ATRN: variants seen among roughly 807,000 people sequenced by gnomAD.
ATRN encodes the protein attractin.
In ATRN, 54 loss-of-function variants were observed where a neutral mutation model predicts 178.7. The observed-to-expected ratio is 0.30, with a 90% CI of 0.24 to 0.38. The LOEUF is 0.38. ATRN is among the 10% of genes least tolerant of loss of function. The probability of loss-of-function intolerance (pLI) is 1.00; values close to 1 mark genes in which losing one functional copy is unlikely to be tolerated. For missense variants in ATRN, 1,443 were observed against 1,815.1 expected (o/e 0.79, Z 3.73); for synonymous variants, 636 against 663.0 (o/e 0.96, Z 0.63).
chr20:3,621,206 C>T (rs746573067), intron 24 of ATRN, among the ~76,000 whole-genome samples: 11 of 152,096 alleles, frequency 7.2e-5, no homozygotes, highest in Non-Finnish European at 5.9e-5. Context: ...TGCTTAAAAA[C>T]GGAGGCAGTG....
intron 22 of ATRN, among the ~76,000 whole-genome samples, chr20:3,600,193 C>T (rs2086589772): frequency 6.6e-6 from 1 of 152,162 alleles, no homozygotes; most frequent in Non-Finnish European, 1.5e-5. Context: ...AGTACACTTC[C>T]TCCACTGGCT....
At chr20:3,545,282 C>T (rs1246293355) in intron 3 of ATRN, among the ~76,000 whole-genome samples, 1 of 150,766 alleles carries the variant, frequency 6.6e-6, no homozygotes, top group Non-Finnish European at 1.5e-5. Context: ...GCAGGAGAAT[C>T]GCTTGAACCC....
intron 18 of ATRN, among the ~76,000 whole-genome samples, chr20:3,588,622 G>T (rs1223893474): frequency 6.6e-6 from 1 of 152,138 alleles, no homozygotes; most frequent in Non-Finnish European, 1.5e-5. Context: ...ACATTCATGA[G>T]GGGGATATAA....
At chr20:3,472,705 C>T (rs796901572) in intron 1 of ATRN, among the ~76,000 whole-genome samples, 1 of 152,102 alleles carries the variant, frequency 6.6e-6, no homozygotes, top group South Asian at 2.1e-4. Context: ...TGTGGGAATT[C>T]AGGGATGGAG....
chr20:3,527,524 G>C (rs970188493), intron 1 of ATRN, among the ~76,000 whole-genome samples: 5 of 151,874 alleles, frequency 3.3e-5, no homozygotes, highest in Non-Finnish European at 5.9e-5. Flanking sequence ...GGTGACTCAA[G>C]GTTCTAGAAC....
chr20:3,626,946 A>G (rs2086946295), intron 25 of ATRN, among the ~76,000 whole-genome samples: 1 of 151,666 alleles, frequency 6.6e-6, no homozygotes. Context: ...GCCACCACGC[A>G]TGGCTAATTT....
intron 19 of ATRN, chr20:3,592,458 A>C (rs998177403): frequency 1.0e-6 from 1 of 984,718 alleles, no homozygotes; most frequent in African/African-American, 1.7e-5. Context: ...TGTCAAATAG[A>C]AGCCTGCAAG....
intron 2 of ATRN, 105 bp from the exon 3 acceptor site, chr20:3,540,117 A>G (rs1024350829): frequency 9.1e-5 from 54 of 596,350 alleles, no homozygotes; most frequent in Non-Finnish European, 1.3e-4. Context: ...GGCAGTTGTT[A>G]GACTGTGTTA....
Position 3,562,247 on chromosome 20 carries a change from GCTTGCC to G in ATRN, c.1448-28_1448-23del, listed in dbSNP as rs755991653. Reference sequence around the variant, plus strand: ...GTAGTAGAGAGGAGGAGCCTGCCATGCTTGCCTTTAACTGTCTTTCCTTTCCAGATA... The same window carrying G: ...GTAGTAGAGAGGAGGAGCCTGCCATGTTTAACTGTCTTTCCTTTCCAGATA... On this transcript the variant is annotated intron_variant, in intron 8 of 28. Coordinates refer to ENST00000262919, the MANE Select transcript of ATRN (RefSeq NM_139321.3). 8.2e-6 allele frequency: 13 copies of G among 1,584,460 alleles called. No homozygotes were observed. In the African/African-American group the frequency reaches 1.6e-4, roughly 20 times the overall value.
chr20:3,547,212 TG>T, intron 4 of ATRN, 71 bp from the exon 5 acceptor site: 1 of 1,181,052 alleles, frequency 8.5e-7, no homozygotes, highest in Non-Finnish European at 1.3e-6. Context: ...TAAACTTGTG[TG>T]GGAGGAAGTT....
At chr20:3,481,450 A>G (rs2084619545) in intron 1 of ATRN, among the ~76,000 whole-genome samples, 1 of 152,102 alleles carries the variant, frequency 6.6e-6, no homozygotes, top group Non-Finnish European at 1.5e-5. Context: ...TCTGGGCTCA[A>G]GTGCCTCCCA....
chr20:3,634,253 A>G (rs8125775), intron 25 of ATRN, 58 bp from the exon 26 acceptor site: 63,335 of 1,545,974 alleles, frequency 0.041, 1,586 homozygotes, highest in Non-Finnish European at 0.048. Flanking sequence ...GGTGTGGGCA[A>G]CGGTGGGAGC....
intron 24 of ATRN, among the ~76,000 whole-genome samples, chr20:3,609,214 T>C (rs2086725113): frequency 2.0e-5 from 3 of 152,310 alleles, no homozygotes; most frequent in South Asian, 2.1e-4. Context: ...CAGTGTTTTA[T>C]AGTTTTCCTT....
At chr20:3,609,762 A>AGTG (rs2086737128) in intron 24 of ATRN, among the ~76,000 whole-genome samples, 1 of 150,894 alleles carries the variant, frequency 6.6e-6, no homozygotes, top group African/African-American at 2.4e-5. Context: ...ATAAAATAAA[A>AGTG]TGTTATTCAG....
In ATRN at chr20:3,638,796, T is replaced by A; in HGVS notation, c.3943-32T>A. The stretch of plus-strand genomic sequence containing the variant: ...CTAATAAAACCCCTTCAGTACTCAT[T>A]CCATTAATGGCTTTGCCATATTATT... On this transcript the variant is annotated intron_variant, in intron 26 of 28. Coordinates refer to ENST00000262919, the MANE Select transcript of ATRN (RefSeq NM_139321.3). This position sits in a 1 kb window ranked among gnomAD's most constrained non-coding sequence, Gnocchi z 4.5. 6.3e-7 allele frequency: 1 copy of A among 1,591,050 alleles called. No individual in the cohort carries two copies. Among genetic ancestry groups the A allele is most frequent in the Non-Finnish European group, 8.6e-7 (1 of 1,159,422 alleles).
rs386393128 is a variant in ATRN, at chr20:3,588,981, G to GTTTTTTTTTTTTTTTTT, written c.3185-2185_3185-2169dup. On this transcript the variant is annotated intron_variant, in intron 18 of 28. Transcript: ENST00000262919. ...CATACAGTTCGTAGTATTTTCTTTT[G>GTTTTTTTTTTTTTTTTT]TTTTTTTTTTTTTTTTTTTGAGACA... is the stretch of plus-strand genomic sequence containing the variant. Among the ~76,000 whole-genome samples, 155 of 99,778 alleles carry GTTTTTTTTTTTTTTTTT rather than the reference G, an allele frequency of 1.6e-3. 8 individuals are homozygous for GTTTTTTTTTTTTTTTTT. The highest frequency in any genetic ancestry group is 2.0e-3 in the Non-Finnish European group (109 of 54,294). The allele number at this position is 99,778 out of a possible 152,430, so 65.5% of individuals were successfully genotyped here. A position where few individuals can be genotyped will look rare whatever the true frequency, so the allele number is the denominator to read the frequency against.
intron 1 of ATRN, chr20:3,489,401 C>A: frequency 1.6e-6 from 1 of 630,636 alleles, no homozygotes; most frequent in Non-Finnish European, 2.9e-6. Context: ...CTTGTTTCTA[C>A]AGGATGCATG....
In ATRN at chr20:3,545,964, T is replaced by C. The variant is rs2085694985; in HGVS notation, c.737+74T>C. On this transcript the variant is annotated intron_variant, in intron 4 of 28. Coordinates refer to ENST00000262919, the MANE Select transcript of ATRN (RefSeq NM_139321.3). ...ACTATGTTTTAACAACAATAATGGC[T>C]AACATAGATTGAGAGCCAGGCATAG... is the stretch of plus-strand genomic sequence containing the variant. 2.7e-6 allele frequency: 4 copies of C among 1,503,670 alleles called. No individual in the cohort carries two copies. The Admixed American group carries it at 5.1e-5, about 19-fold the overall frequency. 93.1% of individuals were successfully genotyped at this position (1,503,670 alleles called of 1,614,324 possible). A position where few individuals can be genotyped will look rare whatever the true frequency, so the allele number is the denominator to read the frequency against.
intron 1 of ATRN, among the ~76,000 whole-genome samples, chr20:3,509,705 C>T (rs947257075): frequency 1.3e-5 from 2 of 151,928 alleles, no homozygotes; most frequent in Non-Finnish European, 2.9e-5. Flanking sequence ...GGTTTTGCCA[C>T]GTTGGCCAGG....
Sources: allele counts gnomAD v4.1 joint callset (sites outside exome capture counted in the v4.1 genomes callset), GRCh38; gene constraint gnomAD v4.1.1; non-coding constraint Gnocchi (gnomAD v3.1); transcripts MANE v1.5; gene names NCBI Gene and HGNC (gene_info 2026-07-23, HGNC 2026-07-21).